The following DOCK1 variants were observed in gnomAD, a reference collection of about 807,000 sequenced individuals.
DOCK1 encodes dedicator of cytokinesis protein 1.
In DOCK1, 138 loss-of-function variants were observed where a neutral mutation model predicts 262.7. The ratio of observed to expected loss-of-function variants is 0.53; its 90% CI spans 0.46 to 0.61. DOCK1 has a LOEUF of 0.61. DOCK1 is among the 20% of genes least tolerant of loss of function. DOCK1 has a pLI of 0.00. For synonymous variants in DOCK1, 866 were observed against 867.4 expected, an observed-to-expected ratio of 1.00 and a Z score of 0.03; for missense variants, 1,908 against 2,370.7, an observed-to-expected ratio of 0.80 and a Z score of 4.05.
At chr10:127,443,002 C>T (rs11018094) in intron 49 of DOCK1, among the ~76,000 whole-genome samples, 61,405 of 151,956 alleles carry the variant, frequency 0.4, 12,654 homozygotes, top group East Asian at 0.56. Context: ...ACCCCAGAAA[C>T]TCATTGTCTC....
intron 43 of DOCK1, among the ~76,000 whole-genome samples, chr10:127,414,434 A>G (rs1410192644): frequency 6.6e-6 from 1 of 152,230 alleles, no homozygotes; most frequent in Non-Finnish European, 1.5e-5. Flanking sequence ...AATTGTATTT[A>G]TTGGGTTAGA....
chr10:127,072,973 C>A (rs959041162), intron 23 of DOCK1, among the ~76,000 whole-genome samples: 2 of 152,194 alleles, frequency 1.3e-5, no homozygotes, highest in Admixed American at 6.5e-5. Context: ...TTAGAACAGA[C>A]CAGTCTAAAC....
chr10:127,212,554 T>C (rs2058027108), intron 27 of DOCK1, among the ~76,000 whole-genome samples: 1 of 152,140 alleles, frequency 6.6e-6, no homozygotes. Context: ...TTATTTTTCT[T>C]TAGCTCCCTC....
At chr10:127,259,695 A>C (rs2059950449) in intron 29 of DOCK1, among the ~76,000 whole-genome samples, 1 of 152,058 alleles carries the variant, frequency 6.6e-6, no homozygotes, top group Non-Finnish European at 1.5e-5. Flanking sequence ...GACAAAGGTC[A>C]GGCGGGATGG....
intron 5 of DOCK1, among the ~76,000 whole-genome samples, chr10:126,988,850 A>G (rs2039593745): frequency 6.6e-6 from 1 of 152,126 alleles, no homozygotes. Flanking sequence ...AGGCGGATGG[A>G]TCACTTGAGG....
chr10:127,133,285 T>A (rs1276265888), intron 27 of DOCK1, among the ~76,000 whole-genome samples: 1 of 152,236 alleles, frequency 6.6e-6, no homozygotes, highest in Admixed American at 6.5e-5. Flanking sequence ...CACAAAGATG[T>A]TATATCCCCA....
In DOCK1 at chr10:127,437,478, CTTT is replaced by C. The variant is rs5788842; in HGVS notation, c.5061-1530_5061-1528del. ...GGAGCAAGATTGCTGCAATGACCAT[CTTT>C]TTTTTTTTTTTTTTTTTTGAGACAG... On this transcript the variant is annotated intron_variant, in intron 48 of 51. Coordinates refer to ENST00000623213, the MANE Select transcript of DOCK1 (RefSeq NM_001290223.2). The surrounding 1 kb of genome is among the most constrained non-coding windows in gnomAD (Gnocchi z 4.4). Among the ~76,000 whole-genome samples, 7 of 145,972 alleles carry C rather than the reference CTTT, an allele frequency of 4.8e-5. No homozygotes were observed. The highest frequency in any genetic ancestry group is 1.5e-4 in the African/African-American group (6 of 40,392).
At chr10:126,936,664 G>A (rs1313146726) in intron 1 of DOCK1, among the ~76,000 whole-genome samples, 2 of 152,142 alleles carry the variant, frequency 1.3e-5, no homozygotes, top group Non-Finnish European at 2.9e-5. Flanking sequence ...TATAAAGAAT[G>A]CAAAACATTA....
chr10:127,204,843 T>C (rs1216562558), intron 27 of DOCK1, among the ~76,000 whole-genome samples: 1 of 152,206 alleles, frequency 6.6e-6, no homozygotes, highest in Non-Finnish European at 1.5e-5. Context: ...CAATGGCTGC[T>C]CTTGGCCTGT....
chr10:127,211,468 CT>C (rs1452533683), intron 27 of DOCK1, among the ~76,000 whole-genome samples: 2 of 152,164 alleles, frequency 1.3e-5, no homozygotes, highest in Non-Finnish European at 2.9e-5. Context: ...TCGCCATCCC[CT>C]GTTAGTGAAT....
chr10:127,044,448 G>T (rs996631210), intron 21 of DOCK1, among the ~76,000 whole-genome samples: 1 of 152,130 alleles, frequency 6.6e-6, no homozygotes, highest in Non-Finnish European at 1.5e-5. Flanking sequence ...CATTTTGTTC[G>T]CTGAGTGGAG....
intron 27 of DOCK1, chr10:127,136,657 A>G (rs2050727115): frequency 6.6e-6 from 1 of 152,598 alleles, no homozygotes; most frequent in Non-Finnish European, 1.5e-5. Context: ...TGTGTAATCA[A>G]GAGAGAACTC....
At chr10:127,227,825 C>T (rs892768769) in intron 27 of DOCK1, among the ~76,000 whole-genome samples, 1 of 152,164 alleles carries the variant, frequency 6.6e-6, no homozygotes. Flanking sequence ...GGGGCATTGA[C>T]ATTGGGGTTT....
intron 25 of DOCK1, among the ~76,000 whole-genome samples, chr10:127,114,573 T>C (rs758725019): frequency 6.6e-6 from 1 of 151,940 alleles, no homozygotes; most frequent in South Asian, 2.1e-4. Flanking sequence ...ATCATTCCTG[T>C]TTTCTGGAAA....
chr10:127,261,240 T>TAC (rs2060080365), intron 29 of DOCK1, among the ~76,000 whole-genome samples: 1 of 136,604 alleles, frequency 7.3e-6, no homozygotes, highest in Non-Finnish European at 1.6e-5. Flanking sequence ...TGCGTGTGTG[T>TAC]ACCTGCATGT....
At chr10:127,130,271 A>C (rs1770387) in intron 27 of DOCK1, among the ~76,000 whole-genome samples, 124,299 of 151,318 alleles carry the variant, frequency 0.82, 51,728 homozygotes, top group East Asian at 0.94. Context: ...TTTTTAGTAC[A>C]GTTGGGGTTT....
At chr10:127,082,078 T>A (rs2046936016) in intron 23 of DOCK1, among the ~76,000 whole-genome samples, 1 of 152,172 alleles carries the variant, frequency 6.6e-6, no homozygotes, top group African/African-American at 2.4e-5. Context: ...GTCATGTTAG[T>A]TCCTATTTTC....
At chr10:127,318,334 G>T (rs1446686556) in intron 29 of DOCK1, among the ~76,000 whole-genome samples, 2 of 152,214 alleles carry the variant, frequency 1.3e-5, no homozygotes, top group Non-Finnish European at 2.9e-5. Flanking sequence ...TGCTTGAGCA[G>T]CCAAATGAGA....
chr10:126,971,630 C>T (rs1342359109), intron 2 of DOCK1, among the ~76,000 whole-genome samples: 1 of 152,192 alleles, frequency 6.6e-6, no homozygotes, highest in East Asian at 1.9e-4. Context: ...GTTGCCCAGG[C>T]TGGTCCTGAA....
Sources: gnomAD v4.1 joint callset for allele counts (sites outside exome capture counted in the v4.1 genomes callset) on GRCh38, gnomAD v4.1.1 for gene constraint, Gnocchi (gnomAD v3.1) non-coding constraint, MANE v1.5 for transcripts, NCBI Gene and HGNC (gene_info 2026-07-23, HGNC 2026-07-21) for gene names.